BICD1: variants seen among roughly 807,000 people sequenced by gnomAD.
BICD1 encodes BICD cargo adaptor 1.
A neutral mutation model predicts 92.5 loss-of-function variants in BICD1; 35 were observed. That is an observed-to-expected ratio of 0.38 (90% CI 0.29 to 0.50). The LOEUF is 0.50. Ranked by LOEUF, BICD1 falls within the 20% of genes least tolerant of loss-of-function variation. The probability of loss-of-function intolerance (pLI) is 0.93; values close to 1 mark genes in which losing one functional copy is unlikely to be tolerated. For missense variants in BICD1, 950 were observed against 1,189.8 expected, an observed-to-expected ratio of 0.80 and a Z score of 2.97; for synonymous variants, 429 against 465.1, an observed-to-expected ratio of 0.92 and a Z score of 1.00.
At chr12:32,108,712 A>G in intron 1 of BICD1, 1 of 685,972 alleles carries the variant, frequency 1.5e-6, no homozygotes, top group Non-Finnish European at 2.7e-6. Flanking sequence ...TATGGTAAGC[A>G]TTTATACTTT....
chr12:32,347,037 C>T lies in BICD1; in HGVS notation c.2764+8058C>T, dbSNP rs182648437. ...CACAATATTGCCTCACCGCAACCTCCGCCTCCCAGGTTCAAGCGATTCTCC... is the reference window on the plus strand; with the variant it reads ...CACAATATTGCCTCACCGCAACCTCTGCCTCCCAGGTTCAAGCGATTCTCC... On this transcript the variant is annotated intron_variant, in intron 8 of 9. Coordinates refer to ENST00000652176, the MANE Select transcript of BICD1 (RefSeq NM_001714.4). Among the ~76,000 whole-genome samples, 21 of 150,878 alleles carry T rather than the reference C, an allele frequency of 1.4e-4. 1 individual carries two copies. The highest frequency in any genetic ancestry group is 1.1e-3 in the Admixed American group (16 of 15,150).
At chr12:32,220,452 T>G (rs1487601135) in intron 2 of BICD1, among the ~76,000 whole-genome samples, 1 of 152,148 alleles carries the variant, frequency 6.6e-6, no homozygotes, top group Non-Finnish European at 1.5e-5. Context: ...CAGACACTTC[T>G]CAGAAGAAGA....
intron 1 of BICD1, among the ~76,000 whole-genome samples, chr12:32,211,167 C>A (rs998565733): frequency 6.6e-6 from 1 of 152,204 alleles, no homozygotes; most frequent in Non-Finnish European, 1.5e-5. Flanking sequence ...GATCATGAGG[C>A]ACCTCTAGCT....
At chr12:32,191,849 G>T (rs1290327913) in intron 1 of BICD1, among the ~76,000 whole-genome samples, 1 of 151,800 alleles carries the variant, frequency 6.6e-6, no homozygotes, top group Non-Finnish European at 1.5e-5. Context: ...TACAGTGTGG[G>T]CTCTGCTACT....
intron 2 of BICD1, chr12:32,227,804 A>G (rs1211417602): frequency 6.5e-6 from 1 of 153,772 alleles, no homozygotes; most frequent in Non-Finnish European, 1.5e-5. Context: ...TGGAGCATTC[A>G]TTGTCCAAAC....
intron 2 of BICD1, among the ~76,000 whole-genome samples, chr12:32,270,967 G>T (rs1052746339): frequency 6.6e-6 from 1 of 152,110 alleles, no homozygotes; most frequent in East Asian, 1.9e-4. Context: ...GAGAGCAGCC[G>T]CTGGCCAGCC....
rs1942700685 is a variant in BICD1 at position 32,135,417 on chromosome 12, G to GCA, written c.213+27873_213+27874insCA. On this transcript the variant is annotated intron_variant, in intron 1 of 9. Coordinates refer to ENST00000652176, the MANE Select transcript of BICD1 (RefSeq NM_001714.4). ...TTTTTTTTTTTTTTTTTTTTTTTTTGAGACAGGGTCTCTTGCGCTGTCACC... is the reference window on the plus strand; with the variant it reads ...TTTTTTTTTTTTTTTTTTTTTTTTTGCAAGACAGGGTCTCTTGCGCTGTCACC... Among the ~76,000 whole-genome samples, 3 of 28,804 alleles carry GCA rather than the reference G, an allele frequency of 1.0e-4. No homozygotes were observed. The Admixed American group carries it at 1.3e-3, about 12-fold the overall frequency. 18.9% of individuals were successfully genotyped at this position (28,804 alleles called of 152,430 possible). A position where few individuals can be genotyped will look rare whatever the true frequency, so the allele number is the denominator to read the frequency against.
intron 2 of BICD1, among the ~76,000 whole-genome samples, chr12:32,250,812 C>G (rs1310921392): frequency 6.6e-6 from 1 of 151,966 alleles, no homozygotes; most frequent in Non-Finnish European, 1.5e-5. Flanking sequence ...TAAATCCTGT[C>G]TCTACAAAAA....
At chr12:32,238,058 C>T (rs1946123791) in intron 2 of BICD1, among the ~76,000 whole-genome samples, 1 of 152,092 alleles carries the variant, frequency 6.6e-6, no homozygotes, top group African/African-American at 2.4e-5. Flanking sequence ...TCAACATGAA[C>T]AGGAGTTTCG....
At chr12:32,274,938 G>A (rs1212021691) in intron 2 of BICD1, among the ~76,000 whole-genome samples, 3 of 152,110 alleles carry the variant, frequency 2.0e-5, no homozygotes, top group Non-Finnish European at 4.4e-5. Flanking sequence ...AGGCTAAAAG[G>A]TTAAAAGAGT....
At chr12:32,154,014 G>A (rs1242601328) in intron 1 of BICD1, among the ~76,000 whole-genome samples, 1 of 151,852 alleles carries the variant, frequency 6.6e-6, no homozygotes, top group Non-Finnish European at 1.5e-5. Context: ...CCAGGGATGA[G>A]CTTTTATAAA....
intron 9 of BICD1, among the ~76,000 whole-genome samples, chr12:32,375,260 G>A (rs1939905472): frequency 6.6e-6 from 1 of 152,008 alleles, no homozygotes; most frequent in African/African-American, 2.4e-5. Flanking sequence ...CGGGCACGGT[G>A]GCTCGTGTGT....
rs372077630 is a variant in BICD1 at position 32,381,683 on chromosome 12, G to C, written c.*4056G>C. The C allele has an allele frequency of 2.6e-5, 4 of 152,216 alleles. No individual in the cohort carries two copies. Among genetic ancestry groups the C allele is most frequent in the African/African-American group, 9.6e-5 (4 of 41,568 alleles). The allele number at this position is 152,216 out of a possible 1,614,324, so 9.4% of individuals were successfully genotyped here. Reference sequence around the variant, plus strand: ...CTGTCCCTCAGAGACATTGGGGGAAGCTGATGGATTTCCAGTAAGGAACTG... The same window carrying C: ...CTGTCCCTCAGAGACATTGGGGGAACCTGATGGATTTCCAGTAAGGAACTG... On this transcript the variant is annotated 3_prime_UTR_variant, in exon 10 of 10. Transcript: ENST00000652176.
chr12:32,226,161 G>T (rs1945683427), intron 2 of BICD1, among the ~76,000 whole-genome samples: 1 of 152,142 alleles, frequency 6.6e-6, no homozygotes, highest in Non-Finnish European at 1.5e-5. Flanking sequence ...TTGAGACGGA[G>T]TCTCGCTCTG....
At chr12:32,123,132 A>G (rs1046222325) in intron 1 of BICD1, among the ~76,000 whole-genome samples, 1 of 152,144 alleles carries the variant, frequency 6.6e-6, no homozygotes, top group Non-Finnish European at 1.5e-5. Flanking sequence ...AAACCCTGGG[A>G]ATAGGGAGAT....
chr12:32,238,790 C>G (rs1371851444), intron 2 of BICD1, among the ~76,000 whole-genome samples: 1 of 150,628 alleles, frequency 6.6e-6, no homozygotes, highest in East Asian at 2.0e-4. Context: ...ACTAAAAATA[C>G]AAAAAATTAG....
At position 32,367,764 on chromosome 12, in the gene BICD1, T is replaced by C. The variant is rs772614519; in HGVS notation, c.2840+19T>C. 1.6e-5 allele frequency: 26 copies of C among 1,605,100 alleles called. No individual in the cohort carries two copies. In the South Asian group the frequency reaches 2.3e-4, roughly 14 times the overall value. ...CTGTCAGGTAAATTCAGATGTCCTTTCCCTTCCACCCAGCTGCATGTCAGA... is the reference window on the plus strand; with the variant it reads ...CTGTCAGGTAAATTCAGATGTCCTTCCCCTTCCACCCAGCTGCATGTCAGA... On this transcript the variant is annotated intron_variant, in intron 9 of 9. Coordinates refer to ENST00000652176, the MANE Select transcript of BICD1 (RefSeq NM_001714.4).
chr12:32,339,949 A>G, intron 8 of BICD1: 3 of 811,626 alleles, frequency 3.7e-6, no homozygotes, highest in Non-Finnish European at 4.5e-6. Context: ...GGAGCTCTGT[A>G]GTGGCTGCTG....
chr12:32,363,861 G>A (rs1939424693), intron 8 of BICD1, among the ~76,000 whole-genome samples: 1 of 152,144 alleles, frequency 6.6e-6, no homozygotes, highest in Admixed American at 6.5e-5. Context: ...AGTTTGTCAA[G>A]TTACTTAACC....
Sources: gnomAD v4.1 joint callset for allele counts (sites outside exome capture counted in the v4.1 genomes callset) on GRCh38, gnomAD v4.1.1 for gene constraint, MANE v1.5 for transcripts, NCBI Gene and HGNC (gene_info 2026-07-23, HGNC 2026-07-21) for gene names.